SPMIP11: variants seen among roughly 807,000 people sequenced by gnomAD.
SPMIP11 encodes the protein sperm microtubule inner protein 11.
At chr12:48,770,029 G>A in the SPMIP11 span, among the ~76,000 whole-genome samples, 1 of 151,384 alleles carries the variant, frequency 6.6e-6, no homozygotes, top group African/African-American at 2.4e-5. Context: ...CCAAAGTGCT[G>A]GGATTACAGG....
chr12:48,740,651 C>A, the SPMIP11 span, among the ~76,000 whole-genome samples: 1 of 151,838 alleles, frequency 6.6e-6, no homozygotes, highest in Non-Finnish European at 1.5e-5. Flanking sequence ...AGCCACCACA[C>A]CTGGCCAACT....
chr12:48,751,827 G>A, the SPMIP11 span, among the ~76,000 whole-genome samples: 4 of 152,068 alleles, frequency 2.6e-5, no homozygotes, highest in Admixed American at 6.6e-5. Context: ...AGCACTTTGG[G>A]AGGCCGAGAC....
chr12:48,768,877 A>C, the SPMIP11 span: 7 of 1,565,036 alleles, frequency 4.5e-6, no homozygotes, highest in Non-Finnish European at 6.1e-6. Flanking sequence ...GACTGCAGAG[A>C]CACCTGTGGA....
the SPMIP11 span, chr12:48,759,463 C>T: frequency 2.0e-5 from 12 of 586,088 alleles, no homozygotes; most frequent in Admixed American, 1.8e-4. Flanking sequence ...CCGAGGCAGG[C>T]GGATCACAAG....
the SPMIP11 span, chr12:48,771,054 G>T: frequency 7.2e-7 from 1 of 1,385,428 alleles, no homozygotes; most frequent in Non-Finnish European, 9.9e-7. The surrounding 1 kb of genome is among the most constrained non-coding windows in gnomAD (Gnocchi z 4.3). Context: ...GCCACGCCTT[G>T]GCTGCCTTCC....
At chr12:48,753,544 C>A in the SPMIP11 span, among the ~76,000 whole-genome samples, 2,077 of 152,226 alleles carry the variant, frequency 0.014, 47 homozygotes, top group African/African-American at 0.048. Context: ...CCAAGCCTGG[C>A]TGGAATGTCT....
the SPMIP11 span, chr12:48,767,189 C>T: frequency 7.2e-5 from 11 of 152,868 alleles, no homozygotes; most frequent in African/African-American, 2.6e-4. Flanking sequence ...ATTCCTCAGC[C>T]TCTGTCCATC....
At chr12:48,742,282 T>TC in the SPMIP11 span, among the ~76,000 whole-genome samples, 6 of 132,556 alleles carry the variant, frequency 4.5e-5, no homozygotes, top group Admixed American at 1.5e-4. Context: ...CTTTTCCTTT[T>TC]TTTTTTTTTT....
chr12:48,749,696 T>TTC, the SPMIP11 span, among the ~76,000 whole-genome samples: 1,192 of 135,334 alleles, frequency 8.8e-3, 18 homozygotes, highest in Admixed American at 0.019. Flanking sequence ...CTTCTTCTTC[T>TTC]TTTTTTTTTT....
chr12:48,741,539 ACTT>A, the SPMIP11 span, among the ~76,000 whole-genome samples: 3 of 152,184 alleles, frequency 2.0e-5, no homozygotes, highest in Admixed American at 2.0e-4. Flanking sequence ...GGTAATGTGA[ACTT>A]TGACCACTAA....
At chr12:48,759,350 G>A in the SPMIP11 span, 2 of 702,404 alleles carry the variant, frequency 2.8e-6, no homozygotes, top group Non-Finnish European at 5.2e-6. Context: ...CTTGGGGTGG[G>A]CATCATGCTA....
At chr12:48,763,590 A>T in the SPMIP11 span, among the ~76,000 whole-genome samples, 1 of 152,166 alleles carries the variant, frequency 6.6e-6, no homozygotes, top group Admixed American at 6.5e-5. Context: ...CTATATAGCA[A>T]TCCAGAATAT....
the SPMIP11 span, among the ~76,000 whole-genome samples, chr12:48,735,228 G>C: frequency 6.6e-6 from 1 of 152,134 alleles, no homozygotes; most frequent in Non-Finnish European, 1.5e-5. Flanking sequence ...AGCCAACCTT[G>C]ATTTCAGCTT....
the SPMIP11 span, chr12:48,759,131 G>C: frequency 4.4e-5 from 30 of 685,170 alleles, no homozygotes; most frequent in Non-Finnish European, 7.5e-5. Flanking sequence ...TATGCATCTG[G>C]TTAGCATGGA....
the SPMIP11 span, chr12:48,767,005 AG>A: frequency 1.5e-3 from 224 of 152,430 alleles, 1 homozygote; most frequent in African/African-American, 5.1e-3. Context: ...AGGCTTCACA[AG>A]GGACTGGGGA....
the SPMIP11 span, among the ~76,000 whole-genome samples, chr12:48,753,272 T>C: frequency 1.3e-5 from 2 of 152,164 alleles, no homozygotes; most frequent in African/African-American, 4.8e-5. Flanking sequence ...GACTCTCCAG[T>C]GACTACCCTC....
chr12:48,752,196 T>C, the SPMIP11 span, among the ~76,000 whole-genome samples: 7 of 152,300 alleles, frequency 4.6e-5, no homozygotes, highest in South Asian at 1.5e-3. Context: ...ATAAATCATA[T>C]GTAAGTTCAC....
At chr12:48,770,659 C>G in the SPMIP11 span, 10 of 1,174,332 alleles carry the variant, frequency 8.5e-6, no homozygotes, top group Admixed American at 1.8e-4. Context: ...GAAGAAAACC[C>G]CACAGGAGCC....
chr12:48,753,761 G>A, the SPMIP11 span, among the ~76,000 whole-genome samples: 1 of 148,636 alleles, frequency 6.7e-6, no homozygotes, highest in Non-Finnish European at 1.5e-5. Context: ...GAGTGCAGTG[G>A]CGCAATATCG....
Sources: allele counts gnomAD v4.1 joint callset (sites outside exome capture counted in the v4.1 genomes callset), GRCh38; gene constraint gnomAD v4.1.1; non-coding constraint Gnocchi (gnomAD v3.1); transcripts MANE v1.5; gene names NCBI Gene and HGNC (gene_info 2026-07-23, HGNC 2026-07-21).